RBM33: variants seen among roughly 807,000 people sequenced by gnomAD.
The protein encoded by RBM33 is RNA-binding protein 33.
Under a neutral mutation model 132.6 loss-of-function variants are expected in RBM33, and 28 were observed. That is an observed-to-expected ratio of 0.21 (90% CI 0.16 to 0.29). The LOEUF (loss-of-function observed/expected upper bound fraction) is 0.29. Among genes scored for constraint, RBM33 ranks in the 10% least tolerant of loss-of-function variants. The pLI, the probability that RBM33 is intolerant of heterozygous loss-of-function variation, is 1.00. For synonymous variants in RBM33, 634 were observed against 593.0 expected (o/e 1.07, Z -1.01); for missense variants, 1,291 against 1,518.5 (o/e 0.85, Z 2.49).
At chr7:155,701,695 GT>G (rs796170107) in intron 6 of RBM33, among the ~76,000 whole-genome samples, 94 of 152,032 alleles carry the variant, frequency 6.2e-4, no homozygotes, top group African/African-American at 2.1e-3. Context: ...TATTTTTTTT[GT>G]TTTGTTTTTG....
intron 1 of RBM33, among the ~76,000 whole-genome samples, chr7:155,662,368 G>A (rs1249103954): frequency 2.0e-5 from 3 of 152,032 alleles, no homozygotes; most frequent in African/African-American, 7.2e-5. Context: ...CTACATTCTG[G>A]CCATATTTCC....
chr7:155,732,991 A>G (rs966137538), intron 9 of RBM33, among the ~76,000 whole-genome samples: 2 of 152,156 alleles, frequency 1.3e-5, no homozygotes, highest in African/African-American at 4.8e-5. Flanking sequence ...AGGCTTGGGT[A>G]TGTCTGGGCC....
In RBM33 at chr7:155,774,100, G is replaced by C. The variant is rs552911933; in HGVS notation, c.3376-459G>C. Among the ~76,000 whole-genome samples the C allele has an allele frequency of 1.2e-4, 18 of 152,354 alleles. No individual in the cohort carries two copies. Among genetic ancestry groups the C allele is most frequent in the African/African-American group, 4.3e-4 (18 of 41,574 alleles). ...CCAGATGCACAGAGATGGTAGACTA[G>C]GGGCCATTGCCTACTGTGGGCTGTG... On this transcript the variant is annotated intron_variant, in intron 16 of 17. Transcript: ENST00000401878. The surrounding 1 kb of genome is among the most constrained non-coding windows in gnomAD (Gnocchi z 4.2).
At position 155,737,569 on chromosome 7, in the gene RBM33, C is replaced by G. The variant is rs759823988; in HGVS notation, c.1300C>G (p.Pro434Ala). 1 of 1,613,228 alleles carries G rather than the reference C, an allele frequency of 6.2e-7. No individual in the cohort carries two copies. Among genetic ancestry groups the G allele is most frequent in the South Asian group, 1.1e-5 (1 of 90,988 alleles). The change falls in exon 10 of 18, where the codon CCC (proline) becomes GCC (alanine). Residue 434 changes from proline (P) to alanine (A), a missense_variant. Pro to Ala is a conservative substitution (Grantham distance 27). Coordinates refer to ENST00000401878, the MANE Select transcript of RBM33 (RefSeq NM_053043.3). ...TCCACAGCATACACCTGGACCTGTT[C>G]CCAACAGTTTCAGCCAGCCCCCACG... ...EFPQHTPGPV[P>A]NSFSQPPRLP... is the part of the protein sequence containing the mutation.
At chr7:155,675,288 C>T (rs1348167012) in intron 3 of RBM33, among the ~76,000 whole-genome samples, 5 of 113,608 alleles carry the variant, frequency 4.4e-5, no homozygotes, top group African/African-American at 7.7e-5. Flanking sequence ...AGTGAGACTC[C>T]GTCTCAAAAA....
chr7:155,717,540 CG>C (rs910676949), intron 8 of RBM33, among the ~76,000 whole-genome samples: 1 of 29,350 alleles, frequency 3.4e-5, no homozygotes, highest in African/African-American at 1.5e-4. Flanking sequence ...GGTGTGGGGG[CG>C]GGGGGAGGGA....
At chr7:155,672,178 C>G (rs944468927) in intron 2 of RBM33, among the ~76,000 whole-genome samples, 1 of 151,692 alleles carries the variant, frequency 6.6e-6, no homozygotes, top group Non-Finnish European at 1.5e-5. Context: ...TCTTCCTAAT[C>G]AATTATATTG....
intron 9 of RBM33, among the ~76,000 whole-genome samples, chr7:155,737,092 G>T (rs1204739296): frequency 6.6e-6 from 1 of 152,126 alleles, no homozygotes; most frequent in Non-Finnish European, 1.5e-5. Context: ...CTTTTCTAGG[G>T]TTGGATATGT....
At chr7:155,737,911 T>G (rs899639793) in intron 10 of RBM33, 149 bp from the exon 11 acceptor site, 4 of 836,108 alleles carry the variant, frequency 4.8e-6, no homozygotes, top group Non-Finnish European at 5.5e-6. Context: ...AATCTAGAAA[T>G]AAGAGGCAAA....
rs537747640 is a variant in RBM33, at chr7:155,695,964, C to T, written c.568-4809C>T. Among the ~76,000 whole-genome samples the T allele has an allele frequency of 5.9e-5, 9 of 152,080 alleles. No individual in the cohort carries two copies. The East Asian group carries it at 7.7e-4, about 13-fold the overall frequency. ...TGTGTGTGTGTGTGGTATGAGATTC[C>T]GTTTTTTCCATACGTTTTTCTAATT... On this transcript the variant is annotated intron_variant, in intron 5 of 17. Transcript: ENST00000401878.
intron 5 of RBM33, among the ~76,000 whole-genome samples, chr7:155,699,582 C>CTGGA (rs1387255110): frequency 6.6e-6 from 1 of 152,144 alleles, no homozygotes. Context: ...CTACGGTATG[C>CTGGA]TGGACGTCAG....
chr7:155,645,739 G>T (rs1411302252), intron 1 of RBM33, among the ~76,000 whole-genome samples: 1 of 152,112 alleles, frequency 6.6e-6, no homozygotes, highest in Non-Finnish European at 1.5e-5. Flanking sequence ...TTGAAAAGAT[G>T]GTAAAATATG....
At position 155,738,416 on chromosome 7, in the gene RBM33, G is replaced by C. The variant is rs1801202558; in HGVS notation, c.1737+13G>C. 5 of 1,596,626 alleles carry C rather than the reference G, an allele frequency of 3.1e-6. No individual in the cohort carries two copies. The highest frequency in any genetic ancestry group is 2.2e-5 in the East Asian group (1 of 44,536). On this transcript the variant is annotated intron_variant, in intron 11 of 17. Transcript: ENST00000401878. ...GCCCAACCTGCAGGTAATGCATCCT[G>C]AGTGAACCTCCAGGGAAAAAATGTG...
chr7:155,694,171 T>C (rs1183479104), intron 5 of RBM33, among the ~76,000 whole-genome samples: 1 of 152,212 alleles, frequency 6.6e-6, no homozygotes, highest in African/African-American at 2.4e-5. Context: ...AATTAATTAA[T>C]TTTAATTGAA....
chr7:155,773,568 CAAAAAAAAAAAAAAAAA>C (rs201127157), intron 16 of RBM33, among the ~76,000 whole-genome samples: 7 of 50,476 alleles, frequency 1.4e-4, no homozygotes, highest in African/African-American at 3.3e-4. Flanking sequence ...ACTCCATCTC[CAAAAAAAAAAAAAAAAA>C]AAAAAAAAAA....
intron 14 of RBM33, 75 bp from the exon 15 acceptor site, chr7:155,763,736 TG>T: frequency 7.3e-7 from 1 of 1,361,438 alleles, no homozygotes; most frequent in Non-Finnish European, 1.0e-6. Flanking sequence ...CTGGCTGAGG[TG>T]GGCTTCCTAA....
chr7:155,732,433 T>A (rs1178483190), intron 9 of RBM33, among the ~76,000 whole-genome samples: 1 of 152,182 alleles, frequency 6.6e-6, no homozygotes, highest in Non-Finnish European at 1.5e-5. Context: ...TCTGCTTTTT[T>A]AAGCCAGCTC....
chr7:155,762,190 T>C (rs984801418), intron 14 of RBM33, among the ~76,000 whole-genome samples: 22 of 152,204 alleles, frequency 1.4e-4, no homozygotes, highest in African/African-American at 5.3e-4. Context: ...GCACTTTCCG[T>C]TCTGGAATTT....
rs958558338 is a variant in RBM33, at chr7:155,738,525, A to G, written c.1737+122A>G. On this transcript the variant is annotated intron_variant, in intron 11 of 17. Transcript: ENST00000401878. ...GTGGTTATTTAAAGAATAGAGTATT[A>G]GTCTCAAATGTACTGTTTGTTAAAG... 2.5e-5 allele frequency: 24 copies of G among 969,062 alleles called. No individual in the cohort carries two copies. The Admixed American group carries it at 7.0e-4, about 28-fold the overall frequency. 60.0% of individuals were successfully genotyped at this position (969,062 alleles called of 1,614,324 possible). A position where few individuals can be genotyped will look rare whatever the true frequency, so the allele number is the denominator to read the frequency against.
Sources: gnomAD v4.1 joint callset for allele counts (sites outside exome capture counted in the v4.1 genomes callset) on GRCh38, gnomAD v4.1.1 for gene constraint, Gnocchi (gnomAD v3.1) non-coding constraint, MANE v1.5 for transcripts, NCBI Gene and HGNC (gene_info 2026-07-23, HGNC 2026-07-21) for gene names.